Variants in PKIA observed in about 807,000 individuals in gnomAD.
PKIA encodes the protein cAMP-dependent protein kinase inhibitor alpha.
PKIA carries 4 observed loss-of-function variants against 7.6 expected under a neutral mutation model. The observed-to-expected ratio is 0.52, with a 90% CI of 0.26 to 1.20. The LOEUF is 1.20. Ranked by LOEUF, PKIA falls within the 50% of genes most tolerant of loss-of-function variation. PKIA has a pLI of 0.13. For missense variants in PKIA, 73 were observed against 86.2 expected (o/e 0.85, Z 0.61); for synonymous variants, 21 against 30.7 (o/e 0.68, Z 1.04).
intron 1 of PKIA, among the ~76,000 whole-genome samples, chr8:78,547,015 C>A (rs1038034601): frequency 6.6e-6 from 1 of 152,120 alleles, no homozygotes; most frequent in Non-Finnish European, 1.5e-5. Context: ...GAGGATCTTA[C>A]TGTCTAGTTA....
rs113373348 is a variant in PKIA at position 78,572,609 on chromosome 8, G to A, written c.-156-202G>A. Reference sequence around the variant, plus strand: ...AAAGGCTAACCAGGCCTCTTTTGAAGACTGCTTGACTTGAAATCCCAAAAT... The same window carrying A: ...AAAGGCTAACCAGGCCTCTTTTGAAAACTGCTTGACTTGAAATCCCAAAAT... On this transcript the variant is annotated intron_variant, in intron 1 of 3. Transcript: ENST00000396418. Among the ~76,000 whole-genome samples the A allele has an allele frequency of 5.0e-3, 750 of 151,360 alleles. 10 individuals are homozygous for A. The highest frequency in any genetic ancestry group is 0.015 in the African/African-American group (634 of 41,238).
intron 1 of PKIA, chr8:78,534,473 T>C (rs942009547): frequency 6.6e-6 from 1 of 152,128 alleles, no homozygotes; most frequent in Non-Finnish European, 1.5e-5. Context: ...TTTTCACTAC[T>C]TTTTCTCCTC....
At chr8:78,585,852 G>T (rs999575280) in intron 2 of PKIA, among the ~76,000 whole-genome samples, 2 of 152,048 alleles carry the variant, frequency 1.3e-5, no homozygotes, top group Admixed American at 6.6e-5. Flanking sequence ...AGAAAAGATC[G>T]CCGAGTTTAG....
intron 2 of PKIA, among the ~76,000 whole-genome samples, chr8:78,584,147 C>G (rs1423104849): frequency 6.6e-6 from 1 of 151,754 alleles, no homozygotes. Context: ...TTCTACAATT[C>G]TAAAAGTACT....
intron 2 of PKIA, among the ~76,000 whole-genome samples, chr8:78,597,273 T>C (rs1214168113): frequency 1.3e-5 from 2 of 152,190 alleles, no homozygotes; most frequent in African/African-American, 4.8e-5. Flanking sequence ...TTGGGCAGTA[T>C]GGCCATTTTA....
intron 1 of PKIA, among the ~76,000 whole-genome samples, chr8:78,523,875 T>G (rs1414143563): frequency 6.9e-6 from 1 of 144,684 alleles, no homozygotes; most frequent in African/African-American, 2.5e-5. Flanking sequence ...TACATATATA[T>G]TTATATAAAT....
chr8:78,549,584 T>TGAGAGTCTTG (rs1292748269), intron 1 of PKIA, among the ~76,000 whole-genome samples: 1 of 151,956 alleles, frequency 6.6e-6, no homozygotes, highest in Non-Finnish European at 1.5e-5. Context: ...CAGTCAAGAC[T>TGAGAGTCTTG]GCCCATGAAG....
At chr8:78,586,154 C>T (rs1211744264) in intron 2 of PKIA, among the ~76,000 whole-genome samples, 4 of 152,118 alleles carry the variant, frequency 2.6e-5, no homozygotes, top group Non-Finnish European at 5.9e-5. Context: ...ACTTCTATTT[C>T]ATTATGAGCA....
chr8:78,530,685 T>C (rs561321048), intron 1 of PKIA, among the ~76,000 whole-genome samples: 1 of 152,082 alleles, frequency 6.6e-6, no homozygotes, highest in Non-Finnish European at 1.5e-5. Flanking sequence ...AATGCTGACA[T>C]GAGATTGTAT....
intron 1 of PKIA, among the ~76,000 whole-genome samples, chr8:78,554,416 T>C (rs534114148): frequency 6.6e-6 from 1 of 152,064 alleles, no homozygotes; most frequent in South Asian, 2.1e-4. Flanking sequence ...GCCACCAATA[T>C]TTAAATCCAG....
At chr8:78,588,742 T>C (rs1046656349) in intron 2 of PKIA, among the ~76,000 whole-genome samples, 2 of 151,878 alleles carry the variant, frequency 1.3e-5, no homozygotes, top group African/African-American at 4.8e-5. Flanking sequence ...CAAGGGGAAT[T>C]AAAAATAAAG....
At chr8:78,522,200 T>C (rs900189856) in intron 1 of PKIA, among the ~76,000 whole-genome samples, 1 of 151,972 alleles carries the variant, frequency 6.6e-6, no homozygotes, top group Admixed American at 6.6e-5. Context: ...TTATCTTCCA[T>C]AGATGTCAAG....
At chr8:78,528,385 A>G (rs1415871680) in intron 1 of PKIA, among the ~76,000 whole-genome samples, 2 of 152,074 alleles carry the variant, frequency 1.3e-5, no homozygotes, top group African/African-American at 4.8e-5. Flanking sequence ...TAGTTGGATC[A>G]TTGAGTTTTT....
At chr8:78,561,461 G>GT (rs896779030) in intron 1 of PKIA, among the ~76,000 whole-genome samples, 85 of 144,832 alleles carry the variant, frequency 5.9e-4, no homozygotes, top group South Asian at 8.7e-4. Context: ...AAGTTTTTTT[G>GT]TTTTTTTTTT....
chr8:78,581,301 A>C (rs529021835), intron 2 of PKIA, among the ~76,000 whole-genome samples: 1 of 152,254 alleles, frequency 6.6e-6, no homozygotes, highest in Admixed American at 6.5e-5. Flanking sequence ...AACTCGTTGT[A>C]GTTAATTTAA....
intron 2 of PKIA, among the ~76,000 whole-genome samples, chr8:78,588,378 G>GA (rs1319757691): frequency 1.3e-4 from 20 of 152,180 alleles, no homozygotes; most frequent in African/African-American, 4.3e-4. Flanking sequence ...TACTCAGGAG[G>GA]CTGAGGCAGG....
chr8:78,556,864 T>C (rs1807151918), intron 1 of PKIA, among the ~76,000 whole-genome samples: 1 of 152,142 alleles, frequency 6.6e-6, no homozygotes, highest in Non-Finnish European at 1.5e-5. Context: ...ATTGTTCTGA[T>C]GACTAGCAGA....
chr8:78,571,478 A>T (rs1415770531), intron 1 of PKIA, among the ~76,000 whole-genome samples: 1 of 152,148 alleles, frequency 6.6e-6, no homozygotes, highest in Non-Finnish European at 1.5e-5. Context: ...AGGAGATAAC[A>T]TATCTGGCTG....
rs577257226 is a variant in PKIA, at chr8:78,545,006, G to C, written c.-156-27805G>C. Reference sequence around the variant, plus strand: ...TTATTATTAAAGAATCTCCCAAACGGTAATATATGGAAAATGCTTTCACTA... The same window carrying C: ...TTATTATTAAAGAATCTCCCAAACGCTAATATATGGAAAATGCTTTCACTA... On this transcript the variant is annotated intron_variant, in intron 1 of 3. Coordinates refer to ENST00000396418, the MANE Select transcript of PKIA (RefSeq NM_006823.4). Among the ~76,000 whole-genome samples, 9 of 151,858 alleles carry C rather than the reference G, an allele frequency of 5.9e-5. No individual in the cohort carries two copies. In the South Asian group the frequency reaches 1.9e-3, roughly 32 times the overall value.
Sources: gnomAD v4.1 joint callset for allele counts (sites outside exome capture counted in the v4.1 genomes callset) on GRCh38, gnomAD v4.1.1 for gene constraint, MANE v1.5 for transcripts, NCBI Gene and HGNC (gene_info 2026-07-23, HGNC 2026-07-21) for gene names.